The following SLC4A10 variants were observed in gnomAD, a reference collection of about 807,000 sequenced individuals.
SLC4A10 encodes the protein sodium-driven chloride bicarbonate exchanger.
A neutral mutation model predicts 137.7 loss-of-function variants in SLC4A10; 42 were observed. That is an observed-to-expected ratio of 0.30 (90% CI 0.24 to 0.39). The LOEUF (loss-of-function observed/expected upper bound fraction) is 0.39. Among genes scored for constraint, SLC4A10 ranks in the 10% least tolerant of loss-of-function variants. The probability of loss-of-function intolerance (pLI) is 1.00; values close to 1 mark genes in which losing one functional copy is unlikely to be tolerated. For synonymous variants in SLC4A10, 474 were observed against 464.1 expected (o/e 1.02, Z -0.27); for missense variants, 925 against 1,355.0 (o/e 0.68, Z 4.98).
intron 1 of SLC4A10, among the ~76,000 whole-genome samples, chr2:161,715,394 T>A (rs2044738623): frequency 6.6e-6 from 1 of 152,114 alleles, no homozygotes; most frequent in Non-Finnish European, 1.5e-5. Context: ...GCAGGTCTGT[T>A]ACATAGGTAA....
chr2:161,703,553 T>C (rs1258730361), intron 1 of SLC4A10, among the ~76,000 whole-genome samples: 2 of 151,768 alleles, frequency 1.3e-5, no homozygotes, highest in Admixed American at 6.6e-5. Flanking sequence ...TGTATAGATA[T>C]GAAGCACTTT....
intron 1 of SLC4A10, among the ~76,000 whole-genome samples, chr2:161,650,601 C>T (rs2036656012): frequency 6.6e-6 from 1 of 152,214 alleles, no homozygotes; most frequent in South Asian, 2.1e-4. Flanking sequence ...ACCCCCTGCC[C>T]CCACAAGCTT....
chr2:161,758,835 G>A (rs543101528), intron 1 of SLC4A10, among the ~76,000 whole-genome samples: 2 of 152,052 alleles, frequency 1.3e-5, no homozygotes, highest in East Asian at 3.9e-4. Flanking sequence ...AATGGAGAAG[G>A]ATACTGATAT....
rs74350951 is a variant in SLC4A10, at chr2:161,689,486, A to C, written c.48+64920A>C. On this transcript the variant is annotated intron_variant, in intron 1 of 26. Transcript: ENST00000446997. ...AACATGCTGAACAGGTTTGTGGCTT[A>C]GAAGCAATAGGTTATACCTTATAGC... 6.9e-3 allele frequency among the ~76,000 whole-genome samples: 1,049 copies of C among 152,322 alleles called. 19 individuals are homozygous for C. Among genetic ancestry groups the C allele is most frequent in the African/African-American group, 0.025 (1,021 of 41,584 alleles).
chr2:161,942,459 T>C (rs1294809698), intron 15 of SLC4A10, among the ~76,000 whole-genome samples: 1 of 152,168 alleles, frequency 6.6e-6, no homozygotes, highest in Non-Finnish European at 1.5e-5. Flanking sequence ...ACCCCTTTAA[T>C]TTTAATTGAT....
rs186808149 is a variant in SLC4A10 at position 161,758,915 on chromosome 2, T to A, written c.49-12058T>A. On this transcript the variant is annotated intron_variant, in intron 1 of 26. Transcript: ENST00000446997. Reference sequence around the variant, plus strand: ...AGGTACTTGAATACAAACCAAAATATGACCCTTACTTTCATCTAGAAAACA... The same window carrying A: ...AGGTACTTGAATACAAACCAAAATAAGACCCTTACTTTCATCTAGAAAACA... Among the ~76,000 whole-genome samples, 22 of 152,112 alleles carry A rather than the reference T, an allele frequency of 1.4e-4. No individual in the cohort carries two copies. In the East Asian group the frequency reaches 3.3e-3, roughly 23 times the overall value.
chr2:161,737,729 G>A (rs1366224354), intron 1 of SLC4A10, among the ~76,000 whole-genome samples: 2 of 151,998 alleles, frequency 1.3e-5, no homozygotes, highest in Admixed American at 1.3e-4. Context: ...TGCTTTTGAG[G>A]CCTAATATGC....
intron 1 of SLC4A10, among the ~76,000 whole-genome samples, chr2:161,716,110 T>G (rs1282191305): frequency 6.6e-6 from 1 of 152,202 alleles, no homozygotes; most frequent in African/African-American, 2.4e-5. Context: ...TCTAAATATG[T>G]TTTTTGGCTG....
intron 5 of SLC4A10, among the ~76,000 whole-genome samples, chr2:161,858,835 T>C (rs549006225): frequency 2.6e-5 from 4 of 152,318 alleles, no homozygotes; most frequent in African/African-American, 9.6e-5. Context: ...ACAACCTTTG[T>C]TGTTTAAAAT....
At chr2:161,979,426 A>C (rs1334316395) in intron 26 of SLC4A10, among the ~76,000 whole-genome samples, 1 of 152,202 alleles carries the variant, frequency 6.6e-6, no homozygotes, top group Non-Finnish European at 1.5e-5. Flanking sequence ...CTTATTCTTT[A>C]AATGTACTTT....
chr2:161,952,558 G>A (rs1694983260), intron 19 of SLC4A10, among the ~76,000 whole-genome samples: 1 of 152,170 alleles, frequency 6.6e-6, no homozygotes, highest in Non-Finnish European at 1.5e-5. Flanking sequence ...GTCAAAAGTT[G>A]TGTATTTTTG....
chr2:161,782,317 G>A (rs1004481062), intron 2 of SLC4A10, among the ~76,000 whole-genome samples: 4 of 151,996 alleles, frequency 2.6e-5, no homozygotes, highest in Non-Finnish European at 5.9e-5. Context: ...CAAATAAGTT[G>A]AACAAGCATG....
At chr2:161,700,832 G>C (rs1450966326) in intron 1 of SLC4A10, among the ~76,000 whole-genome samples, 1 of 152,048 alleles carries the variant, frequency 6.6e-6, no homozygotes, top group Admixed American at 6.6e-5. Flanking sequence ...TACGCGCTCT[G>C]TAGTGTCTAC....
At chr2:161,930,159 AAGTAAG>A (rs747751569) in intron 15 of SLC4A10, among the ~76,000 whole-genome samples, 2 of 152,188 alleles carry the variant, frequency 1.3e-5, no homozygotes, top group Non-Finnish European at 2.9e-5. Context: ...AGGTAATATT[AAGTAAG>A]AGAAGCTTCG....
chr2:161,880,862 G>T (rs1191495043), intron 9 of SLC4A10, among the ~76,000 whole-genome samples: 1 of 152,066 alleles, frequency 6.6e-6, no homozygotes, highest in Non-Finnish European at 1.5e-5. Flanking sequence ...GACAATGATA[G>T]TGCTTGTATT....
intron 1 of SLC4A10, among the ~76,000 whole-genome samples, chr2:161,737,550 A>G (rs1315285413): frequency 1.3e-5 from 2 of 152,204 alleles, no homozygotes; most frequent in Admixed American, 6.5e-5. Context: ...GAATAAAAAT[A>G]TTAAAATCTT....
intron 1 of SLC4A10, among the ~76,000 whole-genome samples, chr2:161,655,964 C>T (rs537078406): frequency 1.0e-3 from 153 of 151,704 alleles, no homozygotes; most frequent in Non-Finnish European, 1.9e-3. Flanking sequence ...CAGGCGTGTG[C>T]TACCATGCCT....
chr2:161,793,763 T>C lies in SLC4A10; in HGVS notation c.131-10686T>C, dbSNP rs537359880. ...GGCAGGAAGATTATGAATATTCTTT[T>C]GTGCCACTTTCAAACTGCTTCTAAA... On this transcript the variant is annotated intron_variant, in intron 2 of 26. Coordinates refer to ENST00000446997, the MANE Select transcript of SLC4A10 (RefSeq NM_001178015.2). Among the ~76,000 whole-genome samples, 4 of 152,308 alleles carry C rather than the reference T, an allele frequency of 2.6e-5. No individual in the cohort carries two copies. The East Asian group carries it at 7.7e-4, about 29-fold the overall frequency.
chr2:161,858,338 G>T (rs1248334879), intron 5 of SLC4A10, among the ~76,000 whole-genome samples: 1 of 151,786 alleles, frequency 6.6e-6, no homozygotes, highest in Non-Finnish European at 1.5e-5. Flanking sequence ...TAACAGACTC[G>T]GATAATTCCT....
Sources: gnomAD v4.1 joint callset for allele counts (sites outside exome capture counted in the v4.1 genomes callset) on GRCh38, gnomAD v4.1.1 for gene constraint, MANE v1.5 for transcripts, NCBI Gene and HGNC (gene_info 2026-07-23, HGNC 2026-07-21) for gene names.